The following ABLIM2 variants were observed in gnomAD, a reference collection of about 807,000 sequenced individuals.
ABLIM2 encodes the protein actin binding LIM protein family member 2.
Under a neutral mutation model 97.7 loss-of-function variants are expected in ABLIM2, and 53 were observed. That is an observed-to-expected ratio of 0.54 (90% confidence interval 0.44 to 0.68). The LOEUF is 0.68. Among genes scored for constraint, ABLIM2 ranks in the 30% least tolerant of loss-of-function variants. The pLI is 0.00. For missense variants in ABLIM2, 835 were observed against 867.2 expected (o/e 0.96, Z 0.47); for synonymous variants, 361 against 345.8 (o/e 1.04, Z -0.49).
rs1848422096 is a variant in ABLIM2 at position 8,127,311 on chromosome 4, C to T, written c.11-20674G>A. On this transcript the variant is annotated intron_variant, in intron 1 of 20. Coordinates refer to ENST00000447017, the MANE Select transcript of ABLIM2 (RefSeq NM_001130083.2). This position sits in a 1 kb window ranked among gnomAD's most constrained non-coding sequence, Gnocchi z 7.3. ...CTGACCTGTACAATGGGGTCACCCT[C>T]CTCACCCCACAGTGCTGTCCATAGA... 6.6e-6 allele frequency among the ~76,000 whole-genome samples: 1 copy of T among 152,216 alleles called. No homozygotes were observed. The highest frequency in any genetic ancestry group is 2.1e-4 in the South Asian group (1 of 4,834).
intron 10 of ABLIM2, among the ~76,000 whole-genome samples, chr4:8,031,590 A>G (rs1254419542): frequency 1.3e-5 from 2 of 152,108 alleles, no homozygotes; most frequent in Non-Finnish European, 2.9e-5. Context: ...CGCTGGGCTG[A>G]AATCCTCCTG....
chr4:8,047,427 C>T (rs1793288744), intron 8 of ABLIM2, among the ~76,000 whole-genome samples: 1 of 152,032 alleles, frequency 6.6e-6, no homozygotes, highest in African/African-American at 2.4e-5. Flanking sequence ...TGAGGCCTGC[C>T]CAGCTTCCTT....
rs541012384 is a variant in ABLIM2 at position 8,043,902 on chromosome 4, C to T, written c.900+1262G>A. On this transcript the variant is annotated intron_variant, in intron 9 of 20. Transcript: ENST00000447017. The surrounding 1 kb of genome is among the most constrained non-coding windows in gnomAD (Gnocchi z 4.8). ...CTGAGGGGCTCCCAGAGGCTCCAGGCGGGCGGCACCTCGCCCAGGGCATGC... is the reference window on the plus strand; with the variant it reads ...CTGAGGGGCTCCCAGAGGCTCCAGGTGGGCGGCACCTCGCCCAGGGCATGC... 7.9e-5 allele frequency among the ~76,000 whole-genome samples: 12 copies of T among 151,790 alleles called. No homozygotes were observed. The highest frequency in any genetic ancestry group is 2.0e-4 in the Admixed American group (3 of 15,264).
intron 17 of ABLIM2, among the ~76,000 whole-genome samples, chr4:7,991,689 A>C: frequency 6.6e-6 from 1 of 152,188 alleles, no homozygotes; most frequent in East Asian, 1.9e-4. Context: ...CAGAATGGGA[A>C]GAGCAGTTCG....
Position 8,032,637 on chromosome 4 carries a change from G to A in ABLIM2, c.1048-2861C>T, listed in dbSNP as rs1455240063. 4 of 1,612,544 alleles carry A rather than the reference G, an allele frequency of 2.5e-6. No individual in the cohort carries two copies. In the South Asian group the frequency reaches 3.3e-5, roughly 13 times the overall value. The stretch of plus-strand genomic sequence containing the variant: ...ACGGCAAGCGGGGACAGGCGAGAGG[G>A]TGGTGGTTACCTCGGTCGGCGTTGG... On this transcript the variant is annotated intron_variant, in intron 10 of 20. Transcript: ENST00000447017. The surrounding 1 kb of genome is among the most constrained non-coding windows in gnomAD (Gnocchi z 4.3).
chr4:8,109,467 C>A (rs895726171), intron 1 of ABLIM2, among the ~76,000 whole-genome samples: 2 of 152,234 alleles, frequency 1.3e-5, no homozygotes, highest in African/African-American at 4.8e-5. Flanking sequence ...TGGTAAAAAT[C>A]GAGTGACTGC....
intron 2 of ABLIM2, among the ~76,000 whole-genome samples, chr4:8,105,668 A>G (rs1268077920): frequency 2.0e-5 from 3 of 152,246 alleles, no homozygotes; most frequent in Admixed American, 1.3e-4. Context: ...CCGAACCCGC[A>G]GAAGGCAGGC....
At chr4:8,030,231 T>G (rs1780046606) in intron 10 of ABLIM2, among the ~76,000 whole-genome samples, 1 of 152,108 alleles carries the variant, frequency 6.6e-6, no homozygotes, top group Admixed American at 6.5e-5. Flanking sequence ...AGAAAGTTAC[T>G]CCACCCCAGG....
intron 7 of ABLIM2, among the ~76,000 whole-genome samples, chr4:8,060,651 G>C (rs971157764): frequency 1.3e-5 from 2 of 152,236 alleles, no homozygotes; most frequent in Non-Finnish European, 2.9e-5. Context: ...CGACGGATGT[G>C]ATCAGGCCGT....
intron 20 of ABLIM2, among the ~76,000 whole-genome samples, chr4:7,974,728 T>TCCAC (rs1731581678): frequency 1.3e-5 from 2 of 151,664 alleles, no homozygotes; most frequent in Non-Finnish European, 2.9e-5. Context: ...CACCCATCCA[T>TCCAC]CCACCCACCC....
chr4:7,984,946 T>C lies in ABLIM2; in HGVS notation c.1681-53A>G, dbSNP rs1742483625. ...AAGAGACAGGCGGCACGAGGGTGTGTGGATGGGCAGGGACCAGGAGATGTG... is the reference window on the plus strand; with the variant it reads ...AAGAGACAGGCGGCACGAGGGTGTGCGGATGGGCAGGGACCAGGAGATGTG... On this transcript the variant is annotated intron_variant, in intron 17 of 20. Coordinates refer to ENST00000447017, the MANE Select transcript of ABLIM2 (RefSeq NM_001130083.2). 100 of 1,577,030 alleles carry C rather than the reference T, an allele frequency of 6.3e-5. 1 individual carries two copies. In the South Asian group the frequency reaches 1.1e-3, roughly 18 times the overall value.
chr4:8,053,655 C>T (rs886939709), intron 8 of ABLIM2, among the ~76,000 whole-genome samples: 10 of 152,190 alleles, frequency 6.6e-5, no homozygotes, highest in African/African-American at 2.4e-4. Context: ...TTGCTATGTA[C>T]ACTCCAAAAT....
rs1348395505 is a variant in ABLIM2 at position 8,113,068 on chromosome 4, A to G, written c.11-6431T>C. On this transcript the variant is annotated intron_variant, in intron 1 of 20. Coordinates refer to ENST00000447017, the MANE Select transcript of ABLIM2 (RefSeq NM_001130083.2). The surrounding 1 kb of genome is among the most constrained non-coding windows in gnomAD (Gnocchi z 4.5). ...CCAGCTCTCACGACCCAGACAGCAG[A>G]GTCCTCATCATTCCGTGATCTCTGG... Among the ~76,000 whole-genome samples, 1 of 152,160 alleles carries G rather than the reference A, an allele frequency of 6.6e-6. No homozygotes were observed. Among genetic ancestry groups the G allele is most frequent in the Non-Finnish European group, 1.5e-5 (1 of 68,026 alleles).
chr4:8,109,124 C>G (rs1484613634), intron 1 of ABLIM2, among the ~76,000 whole-genome samples: 1 of 152,246 alleles, frequency 6.6e-6, no homozygotes. Context: ...ACCGCCTGTC[C>G]CCTGAGTGCA....
chr4:8,064,221 T>C (rs1011182744), intron 6 of ABLIM2, among the ~76,000 whole-genome samples: 3 of 152,252 alleles, frequency 2.0e-5, no homozygotes, highest in Admixed American at 6.5e-5. Flanking sequence ...CAGTGCTCAT[T>C]CTTCTTTGTG....
intron 12 of ABLIM2, among the ~76,000 whole-genome samples, chr4:8,026,455 G>C (rs1469141778): frequency 6.6e-6 from 1 of 152,264 alleles, no homozygotes; most frequent in Non-Finnish European, 1.5e-5. Flanking sequence ...TACACGGAGA[G>C]GTGTGCAGGT....
chr4:8,127,846 C>T lies in ABLIM2; in HGVS notation c.11-21209G>A, dbSNP rs1265278760. On this transcript the variant is annotated intron_variant, in intron 1 of 20. Transcript: ENST00000447017. This position sits in a 1 kb window ranked among gnomAD's most constrained non-coding sequence, Gnocchi z 7.3. ...GGGAAAGGGGCTCTGAAAAGGCACTCGGGGTGGGGGAGGAGTGGTGGGGGT... is the reference window on the plus strand; with the variant it reads ...GGGAAAGGGGCTCTGAAAAGGCACTTGGGGTGGGGGAGGAGTGGTGGGGGT... Among the ~76,000 whole-genome samples the T allele has an allele frequency of 1.8e-5, 2 of 110,458 alleles. No individual in the cohort carries two copies. Among genetic ancestry groups the T allele is most frequent in the Non-Finnish European group, 3.7e-5 (2 of 54,772 alleles). The allele number at this position is 110,458 out of a possible 152,430, so 72.5% of individuals were successfully genotyped here.
rs1490751352 is a variant in ABLIM2, at chr4:8,080,896, G to A, written c.455-94C>T. The stretch of plus-strand genomic sequence containing the variant: ...TCCACACTCCGTGAAGGCCCCTGGG[G>A]CAGCCGGGAGGGGCGGGACAGACCA... On this transcript the variant is annotated intron_variant, in intron 4 of 20. Coordinates refer to ENST00000447017, the MANE Select transcript of ABLIM2 (RefSeq NM_001130083.2). 79 of 1,476,274 alleles carry A rather than the reference G, an allele frequency of 5.4e-5. No individual in the cohort carries two copies. In the East Asian group the frequency reaches 1.8e-3, roughly 34 times the overall value. 91.4% of individuals were successfully genotyped at this position (1,476,274 alleles called of 1,614,324 possible).
intron 14 of ABLIM2, chr4:8,010,417 G>A: frequency 2.0e-6 from 2 of 985,914 alleles, no homozygotes; most frequent in African/African-American, 3.5e-5. Flanking sequence ...ACACGCCGAG[G>A]TGGGCTTCTT....
Sources: gnomAD v4.1 joint callset for allele counts (sites outside exome capture counted in the v4.1 genomes callset) on GRCh38, gnomAD v4.1.1 for gene constraint, Gnocchi (gnomAD v3.1) non-coding constraint, MANE v1.5 for transcripts, NCBI Gene and HGNC (gene_info 2026-07-23, HGNC 2026-07-21) for gene names.